The following CNTNAP5 variants were observed in gnomAD, a reference collection of about 807,000 sequenced individuals.
The protein encoded by CNTNAP5 is contactin-associated protein-like 5.
CNTNAP5 carries 72 observed loss-of-function variants against 150.2 expected under a neutral mutation model. The ratio of observed to expected loss-of-function variants is 0.48; its 90% CI spans 0.40 to 0.58. CNTNAP5 has a LOEUF of 0.58. Ranked by LOEUF, CNTNAP5 falls within the 20% of genes least tolerant of loss-of-function variation. The pLI, the probability that CNTNAP5 is intolerant of heterozygous loss-of-function variation, is 0.00. For synonymous variants in CNTNAP5, 672 were observed against 619.8 expected (o/e 1.08, Z -1.25); for missense variants, 1,636 against 1,626.2 (o/e 1.01, Z -0.10).
chr2:124,244,677 A>T (rs1686974339), intron 3 of CNTNAP5, among the ~76,000 whole-genome samples: 1 of 152,132 alleles, frequency 6.6e-6, no homozygotes, highest in African/African-American at 2.4e-5. Flanking sequence ...AAAGAGTAAA[A>T]TAGAGTGGCG....
chr2:124,402,789 G>A (rs1691462764), intron 3 of CNTNAP5, among the ~76,000 whole-genome samples: 1 of 152,106 alleles, frequency 6.6e-6, no homozygotes, highest in African/African-American at 2.4e-5. Flanking sequence ...GGAAGAGTGG[G>A]GGAAAAGGAG....
intron 5 of CNTNAP5, among the ~76,000 whole-genome samples, chr2:124,437,434 C>T (rs933718590): frequency 2.0e-5 from 3 of 152,104 alleles, no homozygotes; most frequent in South Asian, 2.1e-4. Flanking sequence ...GGATAAATTA[C>T]TTGTCCCATT....
At chr2:124,863,852 G>C (rs533408774) in intron 19 of CNTNAP5, among the ~76,000 whole-genome samples, 2 of 152,094 alleles carry the variant, frequency 1.3e-5, no homozygotes, top group Non-Finnish European at 2.9e-5. Context: ...GGATGAGAAA[G>C]AGTTACTTTA....
At chr2:124,517,383 AAG>A (rs1032226462) in intron 8 of CNTNAP5, among the ~76,000 whole-genome samples, 5 of 145,028 alleles carry the variant, frequency 3.4e-5, no homozygotes, top group African/African-American at 7.8e-5. Flanking sequence ...GGTGTTGGTA[AAG>A]AGGGGTTGTG....
intron 7 of CNTNAP5, among the ~76,000 whole-genome samples, chr2:124,489,750 G>A (rs1693974497): frequency 6.6e-6 from 1 of 152,072 alleles, no homozygotes; most frequent in Admixed American, 6.5e-5. Context: ...CATTCTGAGA[G>A]TCCCAATAGG....
intron 1 of CNTNAP5, among the ~76,000 whole-genome samples, chr2:124,185,429 A>T (rs1685311662): frequency 6.6e-6 from 1 of 152,248 alleles, no homozygotes; most frequent in Admixed American, 6.5e-5. Flanking sequence ...TTTGATTATC[A>T]GACTAGCAGT....
At chr2:124,806,344 T>A (rs1055608128) in intron 19 of CNTNAP5, among the ~76,000 whole-genome samples, 1 of 152,190 alleles carries the variant, frequency 6.6e-6, no homozygotes, top group Non-Finnish European at 1.5e-5. Context: ...AGGGGGTAGC[T>A]CTTCCTGGTG....
chr2:124,553,702 G>A (rs899503729), intron 10 of CNTNAP5, among the ~76,000 whole-genome samples: 3 of 151,970 alleles, frequency 2.0e-5, no homozygotes, highest in African/African-American at 7.3e-5. Context: ...AGGGAATTTG[G>A]GTGAACAACT....
rs1267828473 is a variant in CNTNAP5 at position 124,191,807 on chromosome 2, C to T, written c.83-29898C>T. On this transcript the variant is annotated intron_variant, in intron 1 of 23. Coordinates refer to ENST00000682447, the MANE Select transcript of CNTNAP5 (RefSeq NM_001367498.1). Reference sequence around the variant, plus strand: ...GCTCACGCCTGTAATCCCAGCTGCTCGGGAGGCTGAGGCAGGAGAATCTCT... The same window carrying T: ...GCTCACGCCTGTAATCCCAGCTGCTTGGGAGGCTGAGGCAGGAGAATCTCT... 3.3e-5 allele frequency among the ~76,000 whole-genome samples: 5 copies of T among 151,696 alleles called. 1 individual carries two copies. Among genetic ancestry groups the T allele is most frequent in the Admixed American group, 2.0e-4 (3 of 15,216 alleles).
chr2:124,571,777 C>T (rs1366966398), intron 11 of CNTNAP5, among the ~76,000 whole-genome samples: 1 of 151,598 alleles, frequency 6.6e-6, no homozygotes, highest in African/African-American at 2.4e-5. Flanking sequence ...GGTGATCCAC[C>T]CATCTCAGCC....
At chr2:124,528,082 A>G (rs1018654180) in intron 10 of CNTNAP5, among the ~76,000 whole-genome samples, 1 of 152,198 alleles carries the variant, frequency 6.6e-6, no homozygotes, top group Non-Finnish European at 1.5e-5. Flanking sequence ...CTGAATTTGC[A>G]TCAAGGTTTA....
In CNTNAP5 at chr2:124,786,431, G is replaced by A. The variant is rs1485960742; in HGVS notation, c.2753-3471G>A. Among the ~76,000 whole-genome samples the A allele has an allele frequency of 4.0e-3, 451 of 113,426 alleles. 8 individuals carry two copies. The highest frequency in any genetic ancestry group is 0.015 in the African/African-American group (358 of 24,642). The allele number at this position is 113,426 out of a possible 152,430, so 74.4% of individuals were successfully genotyped here. A position where few individuals can be genotyped will look rare whatever the true frequency, so the allele number is the denominator to read the frequency against. On this transcript the variant is annotated intron_variant, in intron 17 of 23. Transcript: ENST00000682447. ...GGAAGGAAGGAAGGAAGGAAGGAAG[G>A]AAGGAAGGAAGGAAGGAAAGAAAGA... is the stretch of plus-strand genomic sequence containing the variant.
At chr2:124,521,114 A>G (rs1258672891) in intron 8 of CNTNAP5, among the ~76,000 whole-genome samples, 5 of 152,220 alleles carry the variant, frequency 3.3e-5, no homozygotes, top group African/African-American at 9.6e-5. Flanking sequence ...GACACCTCCA[A>G]TGACATGGCT....
At chr2:124,803,063 C>T (rs773760310) in intron 19 of CNTNAP5, among the ~76,000 whole-genome samples, 2 of 148,738 alleles carry the variant, frequency 1.3e-5, no homozygotes, top group East Asian at 2.0e-4. Context: ...TGCAGTGAGC[C>T]GAGATCACGC....
intron 20 of CNTNAP5, among the ~76,000 whole-genome samples, chr2:124,868,978 A>C (rs1235383461): frequency 2.0e-5 from 3 of 152,218 alleles, no homozygotes; most frequent in Admixed American, 2.0e-4. Flanking sequence ...TGGGAAGGGG[A>C]CTGAACAAAT....
At chr2:124,684,197 G>T (rs1431764865) in intron 13 of CNTNAP5, among the ~76,000 whole-genome samples, 7 of 152,186 alleles carry the variant, frequency 4.6e-5, no homozygotes, top group Non-Finnish European at 1.0e-4. Flanking sequence ...TCATTCTGTG[G>T]TGGAGGGTTG....
intron 1 of CNTNAP5, among the ~76,000 whole-genome samples, chr2:124,215,560 G>C (rs1686134408): frequency 6.6e-6 from 1 of 151,890 alleles, no homozygotes; most frequent in African/African-American, 2.4e-5. Context: ...CAAAATGCTT[G>C]TCCATGCAAA....
intron 1 of CNTNAP5, among the ~76,000 whole-genome samples, chr2:124,123,319 A>G (rs1195406290): frequency 2.6e-5 from 4 of 152,148 alleles, no homozygotes; most frequent in African/African-American, 9.7e-5. Flanking sequence ...CAGCAGTCTG[A>G]GATCGAACTG....
In CNTNAP5 at chr2:124,908,832, A is replaced by T. The variant is rs1038784053; in HGVS notation, c.3656-2635A>T. Among the ~76,000 whole-genome samples the T allele has an allele frequency of 7.2e-5, 11 of 152,132 alleles. No homozygotes were observed. The South Asian group carries it at 1.2e-3, about 17-fold the overall frequency. On this transcript the variant is annotated intron_variant, in intron 22 of 23. Coordinates refer to ENST00000682447, the MANE Select transcript of CNTNAP5 (RefSeq NM_001367498.1). ...TATGTTTGTGTCTTAGTTTTCAGGAAAAAAGTTTAAAAAGTAAAAAATAAC... is the reference window on the plus strand; with the variant it reads ...TATGTTTGTGTCTTAGTTTTCAGGATAAAAGTTTAAAAAGTAAAAAATAAC...
Sources: gnomAD v4.1 joint callset for allele counts (sites outside exome capture counted in the v4.1 genomes callset) on GRCh38, gnomAD v4.1.1 for gene constraint, MANE v1.5 for transcripts, NCBI Gene and HGNC (gene_info 2026-07-23, HGNC 2026-07-21) for gene names.